The following TRPM3 variants were observed in gnomAD, a reference collection of about 807,000 sequenced individuals.
The protein encoded by TRPM3 is long transient receptor potential channel 3.
Under a neutral mutation model 181.2 loss-of-function variants are expected in TRPM3, and 77 were observed. The ratio of observed to expected loss-of-function variants is 0.42; its 90% CI spans 0.35 to 0.51. TRPM3 has a LOEUF of 0.51. Among genes scored for constraint, TRPM3 ranks in the 20% least tolerant of loss-of-function variants. TRPM3 has a pLI of 0.01. For missense variants in TRPM3, 1,759 were observed against 2,196.7 expected, an observed-to-expected ratio of 0.80 and a Z score of 3.98; for synonymous variants, 745 against 796.4, an observed-to-expected ratio of 0.94 and a Z score of 1.09.
At chr9:70,679,084 A>G (rs1318745051) in intron 9 of TRPM3, among the ~76,000 whole-genome samples, 1 of 152,230 alleles carries the variant, frequency 6.6e-6, no homozygotes, top group African/African-American at 2.4e-5. Flanking sequence ...CTTCTGTGGC[A>G]GTGTTTTTTT....
At chr9:70,546,079 T>C (rs1172924646) in intron 25 of TRPM3, among the ~76,000 whole-genome samples, 1 of 152,198 alleles carries the variant, frequency 6.6e-6, no homozygotes, top group African/African-American at 2.4e-5. Flanking sequence ...AGGAAACAAC[T>C]GCTTTGGGTA....
At chr9:70,609,630 A>G (rs189348773) in intron 19 of TRPM3, among the ~76,000 whole-genome samples, 1 of 152,334 alleles carries the variant, frequency 6.6e-6, no homozygotes, top group East Asian at 1.9e-4. Flanking sequence ...CCCACAATGA[A>G]GAATTATCCT....
chr9:71,044,028 C>G (rs1298992584), intron 1 of TRPM3, among the ~76,000 whole-genome samples: 1 of 152,120 alleles, frequency 6.6e-6, no homozygotes, highest in Non-Finnish European at 1.5e-5. Flanking sequence ...ATTCCATTAT[C>G]TTTTTCATGA....
At chr9:71,407,904 C>T (rs1437269841) in intron 1 of TRPM3, among the ~76,000 whole-genome samples, 1 of 152,184 alleles carries the variant, frequency 6.6e-6, no homozygotes, top group Non-Finnish European at 1.5e-5. Flanking sequence ...GCAACATTTG[C>T]TGTTCTGCAG....
At chr9:70,555,354 C>A (rs995883014) in intron 22 of TRPM3, among the ~76,000 whole-genome samples, 3 of 152,210 alleles carry the variant, frequency 2.0e-5, no homozygotes, top group Non-Finnish European at 4.4e-5. Flanking sequence ...GTCTCTCACA[C>A]TGTGTCACCA....
chr9:70,938,721 G>C (rs1244237013), intron 1 of TRPM3, among the ~76,000 whole-genome samples: 1 of 152,072 alleles, frequency 6.6e-6, no homozygotes, highest in East Asian at 1.9e-4. Context: ...GGGAGGCCGA[G>C]GTGGGTGGAT....
chr9:70,681,176 A>G (rs2065336895), intron 9 of TRPM3, among the ~76,000 whole-genome samples: 1 of 152,114 alleles, frequency 6.6e-6, no homozygotes, highest in Non-Finnish European at 1.5e-5. Flanking sequence ...ATGGTTTTTG[A>G]AAGTAGATAG....
At chr9:71,291,326 A>G (rs904609750) in intron 1 of TRPM3, among the ~76,000 whole-genome samples, 1 of 152,162 alleles carries the variant, frequency 6.6e-6, no homozygotes, top group Non-Finnish European at 1.5e-5. Flanking sequence ...AACCCTTGCA[A>G]GGAAAGTAAC....
intron 6 of TRPM3, among the ~76,000 whole-genome samples, chr9:70,805,797 C>A (rs971837222): frequency 6.6e-6 from 1 of 152,160 alleles, no homozygotes; most frequent in Non-Finnish European, 1.5e-5. Flanking sequence ...ATGAAGTGAA[C>A]TTTCTACTTC....
At chr9:71,350,253 T>G (rs1186046611) in intron 1 of TRPM3, among the ~76,000 whole-genome samples, 2 of 152,168 alleles carry the variant, frequency 1.3e-5, no homozygotes, top group African/African-American at 4.8e-5. Flanking sequence ...TTCAAGGTAT[T>G]TCATGTCAAG....
chr9:71,347,788 A>G (rs2091380840), intron 1 of TRPM3, among the ~76,000 whole-genome samples: 2 of 152,150 alleles, frequency 1.3e-5, no homozygotes, highest in African/African-American at 2.4e-5. Flanking sequence ...GAAAAATAAT[A>G]CTAAAATAAT....
intron 1 of TRPM3, among the ~76,000 whole-genome samples, chr9:71,441,647 T>C (rs1159334471): frequency 6.6e-6 from 1 of 151,506 alleles, no homozygotes; most frequent in Non-Finnish European, 1.5e-5. Context: ...TTTTTTTTTT[T>C]TTCTGAGACG....
intron 4 of TRPM3, among the ~76,000 whole-genome samples, chr9:70,843,478 T>C (rs1190044304): frequency 6.6e-6 from 1 of 152,194 alleles, no homozygotes; most frequent in East Asian, 1.9e-4. Flanking sequence ...TAGGAGCCAA[T>C]AGCTTGACTG....
chr9:71,169,690 C>G (rs1195210674), intron 1 of TRPM3, among the ~76,000 whole-genome samples: 1 of 152,062 alleles, frequency 6.6e-6, no homozygotes, highest in South Asian at 2.1e-4. Flanking sequence ...CACGGTGTCT[C>G]ACGCCTGTAA....
intron 1 of TRPM3, among the ~76,000 whole-genome samples, chr9:70,910,829 A>T (rs2096530203): frequency 6.6e-6 from 1 of 152,148 alleles, no homozygotes; most frequent in Non-Finnish European, 1.5e-5. Context: ...TTATTGTCTG[A>T]GCTCTTAATC....
chr9:71,277,647 T>C (rs189763888), intron 1 of TRPM3, among the ~76,000 whole-genome samples: 1 of 152,292 alleles, frequency 6.6e-6, no homozygotes, highest in African/African-American at 2.4e-5. Context: ...CTCCTGATCA[T>C]GTAAAATGCA....
At chr9:70,651,859 T>G (rs1449785556) in intron 9 of TRPM3, among the ~76,000 whole-genome samples, 1 of 152,160 alleles carries the variant, frequency 6.6e-6, no homozygotes, top group Non-Finnish European at 1.5e-5. Context: ...CCTGAAGGAT[T>G]TTGTAGGTAG....
chr9:70,762,889 A>C (rs12236832), intron 7 of TRPM3, among the ~76,000 whole-genome samples: 23,199 of 152,138 alleles, frequency 0.15, 2,354 homozygotes, highest in East Asian at 0.39. Context: ...CAAGTGGATC[A>C]CACCACTGCC....
chr9:70,958,458 T>C (rs1268595210), intron 1 of TRPM3, among the ~76,000 whole-genome samples: 1 of 152,168 alleles, frequency 6.6e-6, no homozygotes, highest in Non-Finnish European at 1.5e-5. Flanking sequence ...TCCTGACTTT[T>C]TAATGATTGC....
Sources: gnomAD v4.1 joint callset for allele counts (sites outside exome capture counted in the v4.1 genomes callset) on GRCh38, gnomAD v4.1.1 for gene constraint, MANE v1.5 for transcripts, NCBI Gene and HGNC (gene_info 2026-07-23, HGNC 2026-07-21) for gene names.